The following LEMD3 variants were observed in gnomAD, a reference collection of about 807,000 sequenced individuals.
LEMD3 encodes LEM domain containing 3, also known as inner nuclear membrane protein Man1.
In LEMD3, 33 loss-of-function variants were observed where a neutral mutation model predicts 95.2. That is an observed-to-expected ratio of 0.35 (90% CI 0.26 to 0.46). The LOEUF (loss-of-function observed/expected upper bound fraction) is 0.46. Ranked by LOEUF, LEMD3 falls within the 20% of genes least tolerant of loss-of-function variation. The probability of loss-of-function intolerance (pLI) is 1.00; values close to 1 mark genes in which losing one functional copy is unlikely to be tolerated. For synonymous variants in LEMD3, 525 were observed against 474.6 expected, an observed-to-expected ratio of 1.11 and a Z score of -1.38; for missense variants, 1,210 against 1,192.8, an observed-to-expected ratio of 1.01 and a Z score of -0.21.
chr12:65,234,885 A>T (rs1269225834), intron 4 of LEMD3, among the ~76,000 whole-genome samples: 1 of 152,140 alleles, frequency 6.6e-6, no homozygotes, highest in Non-Finnish European at 1.5e-5. Flanking sequence ...TGTATATTTA[A>T]AATTTGCACT....
chr12:65,198,572 C>A (rs1371811283), intron 1 of LEMD3, among the ~76,000 whole-genome samples: 1 of 152,076 alleles, frequency 6.6e-6, no homozygotes, highest in African/African-American at 2.4e-5. Flanking sequence ...TGAATCTGAT[C>A]CTTGTATATT....
chr12:65,197,679 T>C (rs1449882657), intron 1 of LEMD3, among the ~76,000 whole-genome samples: 4 of 152,100 alleles, frequency 2.6e-5, no homozygotes, highest in African/African-American at 7.2e-5. Flanking sequence ...TTTAAGCACA[T>C]TTCTCATAAA....
rs767239085 is a variant in LEMD3 at position 65,246,313 on chromosome 12, A to G, written c.2724A>G (p.Gln908=). ...TTCGGACTGGCCTAACCAATTCTCA[A>G]GGAAGTTCCTGAAAAGATTTTCTTC... ...LRLRTGLTNS[Q]GSS Residue 908 remains glutamine, a synonymous_variant, in exon 13 of 13, where the codon CAA becomes CAG. Coordinates refer to ENST00000308330, the MANE Select transcript of LEMD3 (RefSeq NM_014319.5). 9 of 1,612,788 alleles carry G rather than the reference A, an allele frequency of 5.6e-6. 1 individual carries two copies. The highest frequency in any genetic ancestry group is 1.6e-4 in the Middle Eastern group (1 of 6,076).
Position 65,170,016 on chromosome 12 carries a change from C to T in LEMD3, c.420C>T (p.Ser140=). 3 of 1,506,092 alleles carry T rather than the reference C, an allele frequency of 2.0e-6. No homozygotes were observed. Among genetic ancestry groups the T allele is most frequent in the Non-Finnish European group, 1.8e-6 (2 of 1,137,046 alleles). The allele number at this position is 1,506,092 out of a possible 1,614,324, so 93.3% of individuals were successfully genotyped here. ...GCAGCAAAGTGCTGCTGGGCTTCAGCTCGGACGAGTCGGACGTGGAGGCCA... is the reference window on the plus strand; with the variant it reads ...GCAGCAAAGTGCTGCTGGGCTTCAGTTCGGACGAGTCGGACGTGGAGGCCA... ...AAGSKVLLGF[S]SDESDVEASP... is the part of the protein sequence containing the mutation. The change falls in exon 1 of 13, where the codon AGC becomes AGT. Residue 140 remains serine, a synonymous_variant. Coordinates refer to ENST00000308330, the MANE Select transcript of LEMD3 (RefSeq NM_014319.5).
rs185486514 is a variant in LEMD3 at position 65,183,239 on chromosome 12, A to G, written c.1522+12121A>G. ...TATTTTGACATATAATCAATATAAA[A>G]GTTTTTGATGAGATAGATATTTTAT... On this transcript the variant is annotated intron_variant, in intron 1 of 12. Transcript: ENST00000308330. 1.7e-3 allele frequency among the ~76,000 whole-genome samples: 252 copies of G among 152,318 alleles called. 1 individual carries two copies. The highest frequency in any genetic ancestry group is 0.01 in the Middle Eastern group (3 of 294).
chr12:65,199,928 G>C (rs1328223921), intron 1 of LEMD3, among the ~76,000 whole-genome samples: 2 of 151,922 alleles, frequency 1.3e-5, no homozygotes, highest in African/African-American at 4.8e-5. Flanking sequence ...AATAGCGTCT[G>C]GAGGCAGGGA....
intron 9 of LEMD3, among the ~76,000 whole-genome samples, chr12:65,242,926 T>C (rs1247290144): frequency 6.6e-6 from 1 of 152,164 alleles, no homozygotes; most frequent in East Asian, 1.9e-4. Context: ...ATCTGACATC[T>C]TCTGTAGGTT....
intron 10 of LEMD3, among the ~76,000 whole-genome samples, chr12:65,245,132 CTTT>C (rs536543524): frequency 3.6e-5 from 5 of 139,300 alleles, no homozygotes; most frequent in African/African-American, 5.2e-5. Context: ...TCTCTGCACT[CTTT>C]TTTTTTTTTT....
At chr12:65,195,889 CCTT>C (rs916660409) in intron 1 of LEMD3, among the ~76,000 whole-genome samples, 8 of 152,068 alleles carry the variant, frequency 5.3e-5, no homozygotes, top group African/African-American at 1.9e-4. Context: ...TAAAAATAGT[CCTT>C]ATGCCAGTAG....
intron 4 of LEMD3, among the ~76,000 whole-genome samples, chr12:65,223,299 ATTTTTT>A (rs35145654): frequency 8.4e-6 from 1 of 118,658 alleles, no homozygotes; most frequent in South Asian, 2.6e-4. Context: ...TCATGTGATG[ATTTTTT>A]TTTTTTTTTT....
At chr12:65,185,992 A>G (rs994385443) in intron 1 of LEMD3, among the ~76,000 whole-genome samples, 4 of 152,078 alleles carry the variant, frequency 2.6e-5, no homozygotes, top group Non-Finnish European at 5.9e-5. Context: ...GAGTAGCAGT[A>G]TATTGTGTTA....
chr12:65,192,282 C>G (rs973241056), intron 1 of LEMD3, among the ~76,000 whole-genome samples: 5 of 152,142 alleles, frequency 3.3e-5, no homozygotes, highest in Non-Finnish European at 5.9e-5. Context: ...CATTCACGTC[C>G]TAGCCACCTT....
intron 10 of LEMD3, among the ~76,000 whole-genome samples, chr12:65,244,761 A>G (rs1206575609): frequency 1.3e-5 from 2 of 152,152 alleles, no homozygotes; most frequent in East Asian, 1.9e-4. Flanking sequence ...CAGCCTGGGC[A>G]ATGTGGCAAA....
Position 65,246,339 on chromosome 12 carries a change from C to T in LEMD3, c.*14C>T, listed in dbSNP as rs373665363. On this transcript the variant is annotated 3_prime_UTR_variant, in exon 13 of 13. Transcript: ENST00000308330. ...GGAAGTTCCTGAAAAGATTTTCTTC[C>T]ATTTCTAAGACTGTTATTTACAATA... 2 of 1,602,072 alleles carry T rather than the reference C, an allele frequency of 1.2e-6. No homozygotes were observed. Among genetic ancestry groups the T allele is most frequent in the African/African-American group, 2.7e-5 (2 of 74,702 alleles).
At chr12:65,241,377 A>T (rs1040283606) in intron 9 of LEMD3, among the ~76,000 whole-genome samples, 12 of 151,686 alleles carry the variant, frequency 7.9e-5, no homozygotes, top group African/African-American at 2.9e-4. Context: ...CTTTTCATCT[A>T]ATTTCTTTAT....
In LEMD3 at chr12:65,170,631, G is replaced by A. The variant is rs1216210327; in HGVS notation, c.1035G>A (p.Gly345=). The A allele has an allele frequency of 6.2e-7, 1 of 1,614,158 alleles. No homozygotes were observed. Among genetic ancestry groups the A allele is most frequent in the Middle Eastern group, 1.6e-4 (1 of 6,062 alleles). Reference sequence around the variant, plus strand: ...CGGCGGCCGCGGAGCAGGGAGGAGGGTGTGATCAAGTGGACTCCAGCCCCG... The same window carrying A: ...CGGCGGCCGCGGAGCAGGGAGGAGGATGTGATCAAGTGGACTCCAGCCCCG... ...EEAAAAEQGG[G]CDQVDSSPVP... Residue 345 remains glycine (G), a synonymous_variant, in exon 1 of 13, where the codon GGG becomes GGA. Coordinates refer to ENST00000308330, the MANE Select transcript of LEMD3 (RefSeq NM_014319.5).
intron 4 of LEMD3, among the ~76,000 whole-genome samples, chr12:65,225,860 A>G (rs1018703561): frequency 7.2e-5 from 11 of 152,304 alleles, no homozygotes; most frequent in South Asian, 4.1e-4. Flanking sequence ...GATTACAGGC[A>G]TGAGCCACTG....
intron 1 of LEMD3, among the ~76,000 whole-genome samples, chr12:65,180,101 C>T (rs140190963): frequency 0.026 from 4,016 of 151,968 alleles, 208 homozygotes; most frequent in African/African-American, 0.092. Context: ...CATGGCACCA[C>T]GCCCGGCTAA....
intron 1 of LEMD3, among the ~76,000 whole-genome samples, chr12:65,191,708 A>G (rs1364279306): frequency 6.6e-6 from 1 of 152,040 alleles, no homozygotes; most frequent in Non-Finnish European, 1.5e-5. Flanking sequence ...CAAGGCAGGC[A>G]GATGTTTGCT....
Sources: allele counts gnomAD v4.1 joint callset (sites outside exome capture counted in the v4.1 genomes callset), GRCh38; gene constraint gnomAD v4.1.1; transcripts MANE v1.5; gene names NCBI Gene and HGNC (gene_info 2026-07-23, HGNC 2026-07-21).